PDSS1: variants seen among roughly 807,000 people sequenced by gnomAD.
PDSS1 encodes the protein all trans-polyprenyl-diphosphate synthase PDSS1.
A neutral mutation model predicts 57.5 loss-of-function variants in PDSS1; 43 were observed. The observed-to-expected ratio is 0.75, with a 90% CI of 0.59 to 0.96. The LOEUF (loss-of-function observed/expected upper bound fraction) is 0.96, where lower values mean the gene tolerates loss of function less well. PDSS1 is among the 50% of genes least tolerant of loss of function. The pLI, the probability that PDSS1 is intolerant of heterozygous loss-of-function variation, is 0.00. For synonymous variants in PDSS1, 175 were observed against 191.3 expected, an observed-to-expected ratio of 0.91 and a Z score of 0.70; for missense variants, 438 against 527.8, an observed-to-expected ratio of 0.83 and a Z score of 1.67.
chr10:26,745,544 G>A (rs1588715908), intron 11 of PDSS1, among the ~76,000 whole-genome samples: 1 of 151,970 alleles, frequency 6.6e-6, no homozygotes, highest in Admixed American at 6.6e-5. Context: ...ACTAAAATTG[G>A]TAATCAAGAA....
intron 4 of PDSS1, among the ~76,000 whole-genome samples, chr10:26,708,085 A>T (rs1429832215): frequency 6.6e-6 from 1 of 152,208 alleles, no homozygotes; most frequent in African/African-American, 2.4e-5. Context: ...GTGTTGTGTC[A>T]ACGGCAGTGA....
rs1836956976 is a variant in PDSS1 at position 26,746,693 on chromosome 10, A to AAAT, written c.*221_*223dup. ...CCTGAATCTGTCATTCTAGTCCTATAAATTATAATCAAGGTATCTTGATGG... is the reference window on the plus strand; with the variant it reads ...CCTGAATCTGTCATTCTAGTCCTATAAATAATTATAATCAAGGTATCTTGATGG... On this transcript the variant is annotated 3_prime_UTR_variant, in exon 12 of 12. Transcript: ENST00000376215. 1.9e-6 allele frequency: 1 copy of AAAT among 534,298 alleles called. No homozygotes were observed. The highest frequency in any genetic ancestry group is 3.4e-6 in the Non-Finnish European group (1 of 297,922). 33.1% of individuals were successfully genotyped at this position (534,298 alleles called of 1,614,324 possible).
intron 10 of PDSS1, among the ~76,000 whole-genome samples, chr10:26,740,161 T>TAAAAAA (rs1564436809): frequency 6.7e-5 from 10 of 148,424 alleles, no homozygotes; most frequent in African/African-American, 2.5e-4. Flanking sequence ...AAAAAAAAAT[T>TAAAAAA]AAAAAATTAG....
intron 8 of PDSS1, among the ~76,000 whole-genome samples, chr10:26,731,936 C>T (rs1389661464): frequency 8.5e-5 from 13 of 152,228 alleles, no homozygotes; most frequent in Non-Finnish European, 1.6e-4. Flanking sequence ...GGATTACAGG[C>T]GTGAGCCACT....
rs1449527795 is a variant in PDSS1, at chr10:26,743,909, A to AC, written c.1107+1332_1107+1333insC. ...GACCAAAATAACAGGGGGAAAAAAA[A>AC]ACAGGAAAAACGTAAATAGGAGGAT... On this transcript the variant is annotated intron_variant, in intron 11 of 11. Transcript: ENST00000376215. Among the ~76,000 whole-genome samples the AC allele has an allele frequency of 3.4e-5, 5 of 149,132 alleles. No individual in the cohort carries two copies. The East Asian group carries it at 6.1e-4, about 18-fold the overall frequency.
chr10:26,746,547 T>G lies in PDSS1; in HGVS notation c.*74T>G. The G allele has an allele frequency of 6.8e-7, 1 of 1,471,744 alleles. No homozygotes were observed. The highest frequency in any genetic ancestry group is 9.5e-7 in the Non-Finnish European group (1 of 1,052,362). The allele number at this position is 1,471,744 out of a possible 1,614,324, so 91.2% of individuals were successfully genotyped here. On this transcript the variant is annotated 3_prime_UTR_variant, in exon 12 of 12. Coordinates refer to ENST00000376215, the MANE Select transcript of PDSS1 (RefSeq NM_014317.5). ...AGAATTTTGTGGAATACACTTTGTT[T>G]GCTTCATGTGCAGATAACCAAAAAT...
At chr10:26,717,263 C>T (rs1188750377) in intron 5 of PDSS1, among the ~76,000 whole-genome samples, 1 of 152,066 alleles carries the variant, frequency 6.6e-6, no homozygotes, top group Non-Finnish European at 1.5e-5. Context: ...CAGAGTCTCG[C>T]TCTACCCCCC....
At chr10:26,702,259 C>T (rs779785001) in intron 2 of PDSS1, 65 bp downstream of exon 2, 5 of 400,350 alleles carry the variant, frequency 1.2e-5, no homozygotes, top group African/African-American at 4.5e-5. Context: ...GGGGACTGTT[C>T]GGAAGGAATG....
intron 5 of PDSS1, chr10:26,717,488 T>TC (rs1259923222): frequency 6.6e-6 from 1 of 152,274 alleles, no homozygotes; most frequent in Non-Finnish European, 1.5e-5. Context: ...CGCCTCGGCG[T>TC]CCCAAAGCGC....
At chr10:26,719,078 T>G (rs1835695863) in intron 5 of PDSS1, among the ~76,000 whole-genome samples, 1 of 152,202 alleles carries the variant, frequency 6.6e-6, no homozygotes, top group Non-Finnish European at 1.5e-5. Context: ...TATTTCAGAA[T>G]CCCTCTCCCT....
chr10:26,725,376 G>A (rs1253866730), intron 8 of PDSS1, among the ~76,000 whole-genome samples: 1 of 152,094 alleles, frequency 6.6e-6, no homozygotes, highest in East Asian at 1.9e-4. Context: ...AAAAGAATGA[G>A]GACAATCTTT....
rs1329018665 is a variant in PDSS1 at position 26,697,828 on chromosome 10, A to G, written c.117A>G (p.Glu39=). 2.2e-6 allele frequency: 3 copies of G among 1,338,548 alleles called. No homozygotes were observed. Among genetic ancestry groups the G allele is most frequent in the South Asian group, 3.8e-5 (2 of 52,494 alleles). 82.9% of individuals were successfully genotyped at this position (1,338,548 alleles called of 1,614,324 possible). ...CGTTGGGGCCGAGCGCCGCTGCCGA[A>G]GTCCGCGCGCAGGTGAGGTTGGGAG... is the stretch of plus-strand genomic sequence containing the variant. ...AGPLGPSAAA[E]VRAQVHRRKG... is the part of the protein sequence containing the mutation. The change falls in exon 1 of 12, where the codon GAA becomes GAG. Residue 39 remains glutamate, a synonymous_variant. Coordinates refer to ENST00000376215, the MANE Select transcript of PDSS1 (RefSeq NM_014317.5).
intron 6 of PDSS1, among the ~76,000 whole-genome samples, chr10:26,721,664 A>G (rs1209733686): frequency 1.3e-5 from 2 of 152,170 alleles, no homozygotes; most frequent in Non-Finnish European, 2.9e-5. Context: ...GGGTAACTCT[A>G]TGACCCATCC....
rs1300186609 is a variant in PDSS1, at chr10:26,697,819, C to A, written c.108C>A (p.Ala36=). 5 of 1,340,554 alleles carry A rather than the reference C, an allele frequency of 3.7e-6. No individual in the cohort carries two copies. In the African/African-American group the frequency reaches 6.0e-5, roughly 16 times the overall value. 83.0% of individuals were successfully genotyped at this position (1,340,554 alleles called of 1,614,324 possible). ...GTGCGGGACCGTTGGGGCCGAGCGC[C>A]GCTGCCGAAGTCCGCGCGCAGGTGA... The part of the protein sequence containing the change: ...PGRAGPLGPS[A]AAEVRAQVHR... The change falls in exon 1 of 12, where the codon GCC becomes GCA. Residue 36 remains alanine, a synonymous_variant. Transcript: ENST00000376215.
At position 26,746,371 on chromosome 10, in the gene PDSS1, G is replaced by A; in HGVS notation, c.1146G>A (p.Gln382=). Residue 382 remains glutamine (Q), a synonymous_variant, in exon 12 of 12, where the codon CAG becomes CAA. Transcript: ENST00000376215. ...GVQQTTYLAQ[Q]YCHEAIREIS... ...AACAAACAACCTACCTCGCCCAGCA[G>A]TACTGCCATGAAGCAATAAGAGAGA... 2 of 1,614,044 alleles carry A rather than the reference G, an allele frequency of 1.2e-6. No homozygotes were observed. The highest frequency in any genetic ancestry group is 2.2e-5 in the East Asian group (1 of 44,866).
chr10:26,716,552 C>T (rs1213999977), intron 5 of PDSS1, among the ~76,000 whole-genome samples: 9 of 152,104 alleles, frequency 5.9e-5, no homozygotes, highest in Non-Finnish European at 1.2e-4. Flanking sequence ...ATTATCTGGG[C>T]GTGGTGGCAC....
intron 5 of PDSS1, chr10:26,717,693 G>A (rs908083363): frequency 6.6e-6 from 1 of 152,192 alleles, no homozygotes; most frequent in African/African-American, 2.4e-5. Flanking sequence ...GTCTGCTGAT[G>A]TAATTTATCA....
At chr10:26,720,543 T>C (rs1223572404) in intron 6 of PDSS1, among the ~76,000 whole-genome samples, 184 bp downstream of exon 6, 2 of 152,126 alleles carry the variant, frequency 1.3e-5, no homozygotes, top group African/African-American at 4.8e-5. Context: ...TAATAAAAAA[T>C]ACCATGGAAA....
At chr10:26,727,286 T>C (rs1835986972) in intron 8 of PDSS1, among the ~76,000 whole-genome samples, 1 of 151,636 alleles carries the variant, frequency 6.6e-6, no homozygotes. Context: ...GAGTTGAGAC[T>C]TGAACCCAGA....
Sources: allele counts gnomAD v4.1 joint callset (sites outside exome capture counted in the v4.1 genomes callset), GRCh38; gene constraint gnomAD v4.1.1; transcripts MANE v1.5; gene names NCBI Gene and HGNC (gene_info 2026-07-23, HGNC 2026-07-21).